RIF1: variants seen among roughly 807,000 people sequenced by gnomAD.
RIF1 encodes telomere-associated protein RIF1.
RIF1 carries 45 observed loss-of-function variants against 247.1 expected under a neutral mutation model. The observed-to-expected ratio is 0.18, with a 90% confidence interval of 0.14 to 0.23. The LOEUF (loss-of-function observed/expected upper bound fraction) is 0.23. Ranked by LOEUF, RIF1 falls within the 10% of genes least tolerant of loss-of-function variation. The probability of loss-of-function intolerance (pLI) is 1.00; values close to 1 mark genes in which losing one functional copy is unlikely to be tolerated. For missense variants in RIF1, 2,967 were observed against 2,862.5 expected (o/e 1.04, Z -0.83); for synonymous variants, 1,087 against 978.8 (o/e 1.11, Z -2.06).
chr2:151,432,428 T>C (rs1012390369), intron 9 of RIF1, among the ~76,000 whole-genome samples: 6 of 152,212 alleles, frequency 3.9e-5, no homozygotes, highest in Admixed American at 2.6e-4. Flanking sequence ...ATTTCTATGC[T>C]GAATTTTAAC....
At chr2:151,468,994 A>G (rs1025577925) in intron 33 of RIF1, among the ~76,000 whole-genome samples, 2 of 152,210 alleles carry the variant, frequency 1.3e-5, no homozygotes, top group African/African-American at 4.8e-5. Context: ...TTATATCATT[A>G]TCTTGTTTAA....
intron 9 of RIF1, 51 bp from the exon 10 acceptor site, chr2:151,433,026 T>G (rs1289774082): frequency 7.6e-6 from 11 of 1,444,888 alleles, no homozygotes; most frequent in Non-Finnish European, 8.6e-6. Context: ...AGTGTTAGAG[T>G]TAATCTTTAG....
intron 22 of RIF1, among the ~76,000 whole-genome samples, chr2:151,455,817 T>C (rs2152460022): frequency 6.6e-6 from 1 of 152,310 alleles, no homozygotes; most frequent in South Asian, 2.1e-4. Context: ...GGGATTTCTG[T>C]CCTTGTACCA....
In RIF1 at chr2:151,474,921, T is replaced by C; in HGVS notation, c.7269T>C (p.Ala2423=). 6.2e-7 allele frequency: 1 copy of C among 1,609,478 alleles called. No homozygotes were observed. Among genetic ancestry groups the C allele is most frequent in the Non-Finnish European group, 8.5e-7 (1 of 1,175,760 alleles). Residue 2423 remains alanine, a synonymous_variant, in exon 36 of 36, where the codon GCT becomes GCC. Transcript: ENST00000444746. ...AAAACCTTCTGGCACAGATTAGTGC[T>C]CTTGCTCTTCAGCTGGATTCAGAAG... The part of the protein sequence containing the change: ...LSKNLLAQIS[A]LALQLDSEDL...
intron 10 of RIF1, chr2:151,496,881 T>C: frequency 6.9e-7 from 1 of 1,458,550 alleles, no homozygotes. Context: ...TGTATTATTT[T>C]AAATCATGAA....
downstream of RIF1, among the ~76,000 whole-genome samples, chr2:151,511,271 C>A (rs184000617): frequency 1.9e-3 from 291 of 152,334 alleles, 2 homozygotes; most frequent in South Asian, 0.031. Flanking sequence ...GCTAATTATT[C>A]TTCTGCATCC....
Position 151,465,730 on chromosome 2 carries a change from A to G in RIF1, c.6210A>G (p.Thr2070=). Residue 2070 remains threonine, a synonymous_variant, in exon 30 of 36, where the codon ACA becomes ACG. Transcript: ENST00000444746. The part of the protein sequence containing the change: ...TAEMDNFVCD[T]VEMSTEEGII... ...AAATGGACAACTTTGTTTGTGACACAGTTGAAATGAGCACTGAAGAAGGAA... is the reference window on the plus strand; with the variant it reads ...AAATGGACAACTTTGTTTGTGACACGGTTGAAATGAGCACTGAAGAAGGAA... The G allele has an allele frequency of 6.2e-7, 1 of 1,614,208 alleles. No homozygotes were observed. Among genetic ancestry groups the G allele is most frequent in the Non-Finnish European group, 8.5e-7 (1 of 1,180,008 alleles).
At chr2:151,415,487 G>C (rs934153511) in intron 4 of RIF1, among the ~76,000 whole-genome samples, 1 of 150,676 alleles carries the variant, frequency 6.6e-6, no homozygotes, top group Non-Finnish European at 1.5e-5. Flanking sequence ...CCATCTGCTG[G>C]GGAGGCTGAG....
At chr2:151,507,077 T>C in intron 13 of RIF1, 1 of 1,014,426 alleles carries the variant, frequency 9.9e-7, no homozygotes, top group South Asian at 1.4e-5. Flanking sequence ...TTATTTGTCC[T>C]ATATTATGTG....
Position 151,497,976 on chromosome 2 carries a change from C to T in RIF1, c.*514-1369C>T. 2.1e-6 allele frequency: 3 copies of T among 1,436,000 alleles called. No homozygotes were observed. In the East Asian group the frequency reaches 7.6e-5, roughly 36 times the overall value. The allele number at this position is 1,436,000 out of a possible 1,614,324, so 89.0% of individuals were successfully genotyped here. ...TTTTTCATTTTTGTGAGTACGGTGC[C>T]TCCTAAACAATCACATGAGGATTTG... On this transcript the variant is annotated intron_variant and NMD_transcript_variant, in intron 10 of 13. Coordinates refer to the RIF1 transcript ENST00000454583.
intron 9 of RIF1, chr2:151,492,593 C>T (rs2057445623): frequency 1.2e-6 from 1 of 812,696 alleles, no homozygotes; most frequent in East Asian, 2.6e-5. Context: ...GTGAGGGACG[C>T]TTGGGTCAAC....
At position 151,423,011 on chromosome 2, in the gene RIF1, T is replaced by A; in HGVS notation, c.755T>A (p.Leu252Ter). Reference sequence around the variant, plus strand: ...AAAAATGAGACTTACGTGTTAAAATTATGGCCTTTGTTTGTCAAACTACTT... The same window carrying A: ...AAAAATGAGACTTACGTGTTAAAATAATGGCCTTTGTTTGTCAAACTACTT... ...MSKNETYVLKLWPLFVKLLGR... is the reference protein window; with the variant it reads ...MSKNETYVLK The change falls in exon 8 of 36, where the codon TTA becomes TAA. Residue 252 changes from leucine to a stop codon, truncating the protein, a stop_gained. Coordinates refer to ENST00000444746, the MANE Select transcript of RIF1 (RefSeq NM_018151.5). LOFTEE classifies it high-confidence loss of function. 1 of 1,598,096 alleles carries A rather than the reference T, an allele frequency of 6.3e-7. No individual in the cohort carries two copies.
intron 12 of RIF1, 110 bp downstream of exon 12, chr2:151,437,113 G>A: frequency 8.3e-7 from 1 of 1,199,938 alleles, no homozygotes; most frequent in Non-Finnish European, 1.2e-6. Flanking sequence ...TTACAGTTGT[G>A]TATGAAATAT....
In RIF1 at chr2:151,492,473, G is replaced by A. The variant is rs956279295; in HGVS notation, c.*416-2756G>A. The stretch of plus-strand genomic sequence containing the variant: ...GCAGCTTTGCCTTGTATTTGTTTCC[G>A]GAAACTATCAGAATAAAGAACCTGA... On this transcript the variant is annotated intron_variant and NMD_transcript_variant, in intron 9 of 13. Coordinates refer to the RIF1 transcript ENST00000454583. 59 of 1,612,822 alleles carry A rather than the reference G, an allele frequency of 3.7e-5. No individual in the cohort carries two copies. The highest frequency in any genetic ancestry group is 4.6e-5 in the Non-Finnish European group (54 of 1,179,366).
the RIF1 span, chr2:151,531,147 G>T: frequency 4.9e-6 from 6 of 1,231,626 alleles, no homozygotes; most frequent in Admixed American, 7.7e-5. Context: ...GCTTCTCAAT[G>T]TATAATATCA....
At chr2:151,420,469 T>C in intron 7 of RIF1, 90 bp downstream of exon 7, 2 of 1,282,292 alleles carry the variant, frequency 1.6e-6, no homozygotes, top group Non-Finnish European at 2.2e-6. Flanking sequence ...CCAGGTACGG[T>C]GGCTCTCACC....
the RIF1 span, chr2:151,529,085 GC>G: frequency 1.4e-6 from 1 of 709,764 alleles, no homozygotes; most frequent in Non-Finnish European, 2.5e-6. Flanking sequence ...TGCTCCTGGG[GC>G]CTGACTCTTG....
downstream of RIF1, among the ~76,000 whole-genome samples, chr2:151,487,154 T>C (rs1316236649): frequency 6.6e-6 from 1 of 152,190 alleles, no homozygotes; most frequent in Non-Finnish European, 1.5e-5. Context: ...AGTCTTGTAT[T>C]TTAGAGAAGA....
rs141513437 is a variant in RIF1, at chr2:151,474,942, A to G, written c.7290A>G (p.Ser2430=). Reference sequence around the variant, plus strand: ...GTGCTCTTGCTCTTCAGCTGGATTCAGAAGATCTTCATAATTATTCAGGAA... The same window carrying G: ...GTGCTCTTGCTCTTCAGCTGGATTCGGAAGATCTTCATAATTATTCAGGAA... ...QISALALQLD[S]EDLHNYSGSQ... is the part of the protein sequence containing the mutation. Residue 2430 remains serine, a synonymous_variant, in exon 36 of 36, where the codon TCA becomes TCG. Coordinates refer to ENST00000444746, the MANE Select transcript of RIF1 (RefSeq NM_018151.5). The G allele has an allele frequency of 3.1e-6, 5 of 1,610,426 alleles. No individual in the cohort carries two copies. Among genetic ancestry groups the G allele is most frequent in the Non-Finnish European group, 3.4e-6 (4 of 1,176,846 alleles).
Sources: allele counts gnomAD v4.1 joint callset (sites outside exome capture counted in the v4.1 genomes callset), GRCh38; gene constraint gnomAD v4.1.1; transcripts MANE v1.5; gene names NCBI Gene and HGNC (gene_info 2026-07-23, HGNC 2026-07-21).